SNX30: variants seen among roughly 807,000 people sequenced by gnomAD.
SNX30 encodes sorting nexin family member 30, also known as sorting nexin-30.
In SNX30, 24 loss-of-function variants were observed where a neutral mutation model predicts 46.4. The ratio of observed to expected loss-of-function variants is 0.52; its 90% CI spans 0.37 to 0.73. The LOEUF (loss-of-function observed/expected upper bound fraction) is 0.73. Ranked by LOEUF, SNX30 falls within the 30% of genes least tolerant of loss-of-function variation. The pLI is 0.00. For synonymous variants in SNX30, 189 were observed against 211.5 expected (o/e 0.89, Z 0.92); for missense variants, 533 against 555.7 (o/e 0.96, Z 0.41).
At chr9:112,859,142 T>G (rs1841186077) in intron 7 of SNX30, among the ~76,000 whole-genome samples, 1 of 151,272 alleles carries the variant, frequency 6.6e-6, no homozygotes, top group Non-Finnish European at 1.5e-5. Context: ...TCTCTATGAC[T>G]TTGACCATTC....
At position 112,861,654 on chromosome 9, in the gene SNX30, C is replaced by A. The variant is rs533616114; in HGVS notation, c.1102-2593C>A. ...CCTCAGGTTCCTCATCCCCTGCCAC[C>A]CTCTGCCAGTCTTGCGAGCTGCAGT... On this transcript the variant is annotated intron_variant, in intron 7 of 8. Coordinates refer to ENST00000374232, the MANE Select transcript of SNX30 (RefSeq NM_001012994.2). 2.0e-5 allele frequency among the ~76,000 whole-genome samples: 3 copies of A among 152,322 alleles called. No homozygotes were observed. The East Asian group carries it at 5.8e-4, about 29-fold the overall frequency.
intron 5 of SNX30, chr9:112,880,608 AG>A (rs1214981988): frequency 6.5e-6 from 1 of 152,956 alleles, no homozygotes; most frequent in African/African-American, 2.4e-5. Flanking sequence ...GGTGGGTTTA[AG>A]GTTTCCCTCC....
At chr9:112,805,009 G>C in intron 2 of SNX30, 42 bp downstream of exon 2, 1 of 1,480,246 alleles carries the variant, frequency 6.8e-7, no homozygotes. Context: ...GAGTGGTCTC[G>C]GGGAATTGGG....
At chr9:112,786,293 A>T (rs1839924985) in intron 1 of SNX30, among the ~76,000 whole-genome samples, 2 of 151,112 alleles carry the variant, frequency 1.3e-5, no homozygotes, top group African/African-American at 4.9e-5. Flanking sequence ...AATCTTTTGT[A>T]TTTTTTTTGT....
chr9:112,855,320 C>G (rs1645234582), intron 7 of SNX30, among the ~76,000 whole-genome samples: 1 of 152,090 alleles, frequency 6.6e-6, no homozygotes. Context: ...AGCGAGGTAG[C>G]TCAGGGGACT....
rs867859935 is a variant in SNX30, at chr9:112,873,083, G to A, written c.*4240G>A. On this transcript the variant is annotated 3_prime_UTR_variant, in exon 9 of 9. Transcript: ENST00000374232. ...TGTGTAAGTTGTCTGTGTTAGAAAG[G>A]TTGGGGTGGGGGCTTTGTTGCAGGG... 2 of 152,276 alleles carry A rather than the reference G, an allele frequency of 1.3e-5. No homozygotes were observed. Among genetic ancestry groups the A allele is most frequent in the Admixed American group, 1.3e-4 (2 of 15,270 alleles). The allele number at this position is 152,276 out of a possible 1,614,324, so 9.4% of individuals were successfully genotyped here. A position where few individuals can be genotyped will look rare whatever the true frequency, so the allele number is the denominator to read the frequency against.
Position 112,832,455 on chromosome 9 carries a change from AGAGAGTGTGTGTGT to A in SNX30, c.618+1574_618+1587del, listed in dbSNP as rs1186126190. Among the ~76,000 whole-genome samples, 724 of 122,096 alleles carry A rather than the reference AGAGAGTGTGTGTGT, an allele frequency of 5.9e-3. 12 individuals are homozygous for A. The highest frequency in any genetic ancestry group is 0.039 in the Admixed American group (457 of 11,760). 80.1% of individuals were successfully genotyped at this position (122,096 alleles called of 152,430 possible). A position where few individuals can be genotyped will look rare whatever the true frequency, so the allele number is the denominator to read the frequency against. ...AAGAGAGAGAGAGAGAGAGAGAGAGAGAGAGTGTGTGTGTGTGTGTGTGTGTGTGTGTGTGTGTG... is the reference window on the plus strand; with the variant it reads ...AAGAGAGAGAGAGAGAGAGAGAGAGAGTGTGTGTGTGTGTGTGTGTGTGTG... On this transcript the variant is annotated intron_variant, in intron 4 of 8. Coordinates refer to ENST00000374232, the MANE Select transcript of SNX30 (RefSeq NM_001012994.2).
intron 6 of SNX30, among the ~76,000 whole-genome samples, chr9:112,841,919 G>A (rs1315301470): frequency 6.6e-6 from 1 of 152,172 alleles, no homozygotes; most frequent in Non-Finnish European, 1.5e-5. Context: ...GTGGAGCAGA[G>A]GACTTGCCAC....
chr9:112,785,045 G>A (rs1403951892), intron 1 of SNX30, among the ~76,000 whole-genome samples: 1 of 152,098 alleles, frequency 6.6e-6, no homozygotes, highest in Non-Finnish European at 1.5e-5. Context: ...ATGTTAATTA[G>A]GCTGCTTAAA....
intron 7 of SNX30, among the ~76,000 whole-genome samples, chr9:112,859,793 C>T (rs186179428): frequency 2.0e-5 from 3 of 151,898 alleles, no homozygotes; most frequent in African/African-American, 4.8e-5. Flanking sequence ...AGGTGTGAGC[C>T]GCTGCACCTG....
At chr9:112,770,788 G>C (rs1564262966) in intron 1 of SNX30, among the ~76,000 whole-genome samples, 4 of 152,082 alleles carry the variant, frequency 2.6e-5, no homozygotes, top group Admixed American at 1.3e-4. Context: ...ACGAGGTCAA[G>C]AGATAGAGAC....
chr9:112,848,658 C>A (rs1444270029), intron 6 of SNX30, among the ~76,000 whole-genome samples: 1 of 152,224 alleles, frequency 6.6e-6, no homozygotes, highest in African/African-American at 2.4e-5. Flanking sequence ...GCTGTTAGGG[C>A]GGATCCTCCA....
rs1327653025 is a variant in SNX30 at position 112,873,480 on chromosome 9, T to C, written c.*4637T>C. 6.6e-6 allele frequency: 1 copy of C among 152,154 alleles called. No individual in the cohort carries two copies. The highest frequency in any genetic ancestry group is 1.9e-4 in the East Asian group (1 of 5,188). The allele number at this position is 152,154 out of a possible 1,614,324, so 9.4% of individuals were successfully genotyped here. On this transcript the variant is annotated 3_prime_UTR_variant, in exon 9 of 9. Transcript: ENST00000374232. ...GTAATCAGTTGTTCAGCTTCAATAA[T>C]ATAGAGATCTAACATAGTCAGTCCT... is the stretch of plus-strand genomic sequence containing the variant.
intron 1 of SNX30, among the ~76,000 whole-genome samples, chr9:112,778,133 G>A (rs1038764338): frequency 6.6e-6 from 1 of 152,076 alleles, no homozygotes; most frequent in African/African-American, 2.4e-5. Flanking sequence ...TGTGGCTTGG[G>A]CTACTCAAAG....
intron 1 of SNX30, among the ~76,000 whole-genome samples, chr9:112,758,336 C>T (rs1839382614): frequency 1.4e-5 from 2 of 147,222 alleles, no homozygotes; most frequent in Admixed American, 6.8e-5. Flanking sequence ...TGCGCTCTCT[C>T]TTTTTTTTTT....
chr9:112,784,562 G>C lies in SNX30; in HGVS notation c.157-20214G>C, dbSNP rs1237646319. ...CACTTCACCCCTTGGCGATTTTGCT[G>C]ATGTGGTGTTCCGTGCCAGGAACAC... On this transcript the variant is annotated intron_variant, in intron 1 of 8. Coordinates refer to ENST00000374232, the MANE Select transcript of SNX30 (RefSeq NM_001012994.2). Among the ~76,000 whole-genome samples, 5 of 152,134 alleles carry C rather than the reference G, an allele frequency of 3.3e-5. No homozygotes were observed. The East Asian group carries it at 9.6e-4, about 29-fold the overall frequency.
intron 1 of SNX30, among the ~76,000 whole-genome samples, chr9:112,755,280 T>C (rs1839330138): frequency 6.6e-6 from 1 of 152,090 alleles, no homozygotes; most frequent in Non-Finnish European, 1.5e-5. Context: ...TGGGTGAGTA[T>C]CTGAAGAAGA....
At chr9:112,770,733 C>A (rs1020385700) in intron 1 of SNX30, among the ~76,000 whole-genome samples, 2 of 152,072 alleles carry the variant, frequency 1.3e-5, no homozygotes, top group African/African-American at 4.8e-5. Context: ...CGCGGTGGCT[C>A]ACGCCTGTAA....
At chr9:112,823,824 G>A (rs1393847106) in intron 3 of SNX30, among the ~76,000 whole-genome samples, 1 of 152,110 alleles carries the variant, frequency 6.6e-6, no homozygotes, top group Non-Finnish European at 1.5e-5. Flanking sequence ...CAATGGATAA[G>A]TTAATAAGTA....
Sources: gnomAD v4.1 joint callset for allele counts (sites outside exome capture counted in the v4.1 genomes callset) on GRCh38, gnomAD v4.1.1 for gene constraint, MANE v1.5 for transcripts, NCBI Gene and HGNC (gene_info 2026-07-23, HGNC 2026-07-21) for gene names.